The following NAALADL2 variants were observed in gnomAD, a reference collection of about 807,000 sequenced individuals.
NAALADL2 encodes the protein N-acetylated alpha-linked acidic dipeptidase like 2, also known as inactive N-acetylated-alpha-linked acidic dipeptidase-like protein 2.
NAALADL2 carries 76 observed loss-of-function variants against 87.2 expected under a neutral mutation model. The observed-to-expected ratio is 0.87, with a 90% CI of 0.72 to 1.05. NAALADL2 has a LOEUF of 1.05. Ranked by LOEUF, NAALADL2 falls within the 50% of genes least tolerant of loss-of-function variation. The pLI is 0.00. For missense variants in NAALADL2, 1,089 were observed against 945.8 expected, an observed-to-expected ratio of 1.15 and a Z score of -1.99; for synonymous variants, 354 against 331.0, an observed-to-expected ratio of 1.07 and a Z score of -0.75.
chr3:175,205,816 T>C (rs1740737485), intron 2 of NAALADL2, among the ~76,000 whole-genome samples: 1 of 149,412 alleles, frequency 6.7e-6, no homozygotes, highest in Admixed American at 6.7e-5. Context: ...CAAAAGAAGA[T>C]ATACAAATGG....
intron 1 of NAALADL2, among the ~76,000 whole-genome samples, chr3:174,534,692 G>T (rs922861977): frequency 6.6e-6 from 1 of 152,094 alleles, no homozygotes; most frequent in Non-Finnish European, 1.5e-5. Flanking sequence ...TCAATCCCTG[G>T]CAAAAGTAAT....
intron 1 of NAALADL2, among the ~76,000 whole-genome samples, chr3:174,882,112 T>A (rs533558319): frequency 2.0e-5 from 3 of 152,116 alleles, no homozygotes; most frequent in Non-Finnish European, 2.9e-5. Context: ...TTACAGAACA[T>A]GTGATATTCC....
Position 174,752,122 on chromosome 3 carries a change from C to T in NAALADL2, c.-9+14376C>T, listed in dbSNP as rs574757074. On this transcript the variant is annotated intron_variant, in intron 3 of 3. Coordinates refer to the NAALADL2 transcript ENST00000434257. ...CCTCTCGAGTAGCTGGGACTATAGG[C>T]GCCCGCCACCATGCCCGGCTATTTT... 9.2e-5 allele frequency among the ~76,000 whole-genome samples: 14 copies of T among 152,000 alleles called. No homozygotes were observed. The East Asian group carries it at 1.8e-3, about 19-fold the overall frequency.
At chr3:175,732,330 T>G (rs535267770) in intron 11 of NAALADL2, among the ~76,000 whole-genome samples, 6 of 152,308 alleles carry the variant, frequency 3.9e-5, no homozygotes, top group Non-Finnish European at 8.8e-5. Flanking sequence ...TGTACCCTTT[T>G]CTGTAAAGCA....
intron 11 of NAALADL2, chr3:175,718,090 T>C: frequency 1.4e-6 from 1 of 690,152 alleles, no homozygotes; most frequent in South Asian, 2.6e-5. Flanking sequence ...GAATGGGAGC[T>C]TCCTTTCCAG....
At chr3:175,336,528 G>A (rs1300965370) in intron 5 of NAALADL2, among the ~76,000 whole-genome samples, 1 of 152,154 alleles carries the variant, frequency 6.6e-6, no homozygotes, top group Non-Finnish European at 1.5e-5. Flanking sequence ...TGTGTAAAAA[G>A]TAATACAGAA....
At chr3:174,603,088 TTGGTC>T (rs1560084513) in intron 2 of NAALADL2, among the ~76,000 whole-genome samples, 1 of 152,098 alleles carries the variant, frequency 6.6e-6, no homozygotes, top group Non-Finnish European at 1.5e-5. Flanking sequence ...TTTATTTGTC[TTGGTC>T]TTGTTTTGAT....
chr3:175,419,915 G>A (rs940832800), intron 5 of NAALADL2, among the ~76,000 whole-genome samples: 2 of 151,822 alleles, frequency 1.3e-5, no homozygotes, highest in African/African-American at 2.4e-5. Flanking sequence ...ATAGTAGAAG[G>A]TCCCAGACCC....
rs146404277 is a variant in NAALADL2, at chr3:175,074,697, CTA to C, written c.44-22091_44-22090del. On this transcript the variant is annotated intron_variant, in intron 1 of 13. Coordinates refer to ENST00000454872, the MANE Select transcript of NAALADL2 (RefSeq NM_207015.3). ...CTTTTAAAATTACATACTGAAATAACTATGCATAAAATGATATGGCTGAGGGT... is the reference window on the plus strand; with the variant it reads ...CTTTTAAAATTACATACTGAAATAACTGCATAAAATGATATGGCTGAGGGT... Among the ~76,000 whole-genome samples, 629 of 152,020 alleles carry C rather than the reference CTA, an allele frequency of 4.1e-3. 5 individuals carry two copies. Among genetic ancestry groups the C allele is most frequent in the African/African-American group, 0.015 (611 of 41,458 alleles).
At chr3:175,164,367 A>G (rs2108864228) in intron 2 of NAALADL2, among the ~76,000 whole-genome samples, 1 of 152,078 alleles carries the variant, frequency 6.6e-6, no homozygotes, top group African/African-American at 2.4e-5. Context: ...TTCTTATCAC[A>G]TATTATTCTA....
chr3:174,807,392 G>A lies in NAALADL2; in HGVS notation c.-9+69646G>A, dbSNP rs147561558. On this transcript the variant is annotated intron_variant, in intron 3 of 3. Transcript: ENST00000434257. ...TCTTGCTCATACGATGCACTTAGCC[G>A]TGTCCAAGTGGAAGTATAAGAATGA... Among the ~76,000 whole-genome samples, 69 of 152,198 alleles carry A rather than the reference G, an allele frequency of 4.5e-4. 1 individual carries two copies. The highest frequency in any genetic ancestry group is 1.0e-3 in the South Asian group (5 of 4,824).
chr3:175,219,563 G>A lies in NAALADL2; in HGVS notation c.546-14368G>A, dbSNP rs184117897. 4.6e-3 allele frequency among the ~76,000 whole-genome samples: 700 copies of A among 151,966 alleles called. 1 individual carries two copies. The highest frequency in any genetic ancestry group is 0.016 in the African/African-American group (649 of 41,488). The stretch of plus-strand genomic sequence containing the variant: ...CCAGTTTGTCAGTTTTGTCTTCCTC[G>A]TTAGCGGTTTCTCTTTTGTCTAACC... On this transcript the variant is annotated intron_variant, in intron 2 of 13. Transcript: ENST00000454872.
chr3:175,402,815 G>A lies in NAALADL2; in HGVS notation c.1091-44414G>A, dbSNP rs557817887. Among the ~76,000 whole-genome samples, 132 of 152,116 alleles carry A rather than the reference G, an allele frequency of 8.7e-4. 1 individual carries two copies. Among genetic ancestry groups the A allele is most frequent in the Non-Finnish European group, 1.0e-3 (69 of 67,972 alleles). On this transcript the variant is annotated intron_variant, in intron 5 of 13. Coordinates refer to ENST00000454872, the MANE Select transcript of NAALADL2 (RefSeq NM_207015.3). ...CTCCCTCTCTGTGCCCACCACAACA[G>A]CCTATGCATTCCTTCTTTGACCAGA...
chr3:175,645,155 T>G (rs1406486692), intron 11 of NAALADL2, among the ~76,000 whole-genome samples: 4 of 151,930 alleles, frequency 2.6e-5, no homozygotes, highest in African/African-American at 9.7e-5. Context: ...CACAACAAAA[T>G]TTTTACTCAG....
At chr3:175,372,428 C>A (rs1766624242) in intron 5 of NAALADL2, among the ~76,000 whole-genome samples, 1 of 152,172 alleles carries the variant, frequency 6.6e-6, no homozygotes, top group Admixed American at 6.6e-5. Flanking sequence ...ATATTTTTCT[C>A]ACAAAATGAG....
chr3:174,973,097 T>C (rs1210490294), intron 1 of NAALADL2, among the ~76,000 whole-genome samples: 1 of 152,178 alleles, frequency 6.6e-6, no homozygotes. Context: ...ATGGCACTGT[T>C]TTGTAGTTTG....
intron 2 of NAALADL2, among the ~76,000 whole-genome samples, chr3:175,136,375 T>C (rs1729117512): frequency 6.6e-6 from 1 of 152,198 alleles, no homozygotes; most frequent in Non-Finnish European, 1.5e-5. Context: ...TGGACATCTC[T>C]CAATAAAATG....
intron 13 of NAALADL2, among the ~76,000 whole-genome samples, chr3:175,792,600 C>T (rs1372407438): frequency 3.3e-5 from 5 of 152,080 alleles, no homozygotes; most frequent in Non-Finnish European, 7.4e-5. Context: ...AAAACTATAT[C>T]TATAATTGTA....
chr3:175,193,778 A>G (rs1332708487), intron 2 of NAALADL2, among the ~76,000 whole-genome samples: 1 of 151,992 alleles, frequency 6.6e-6, no homozygotes, highest in Non-Finnish European at 1.5e-5. Context: ...TCAAACTAGA[A>G]CAGGTGTTTT....
Sources: gnomAD v4.1 joint callset for allele counts (sites outside exome capture counted in the v4.1 genomes callset) on GRCh38, gnomAD v4.1.1 for gene constraint, MANE v1.5 for transcripts, NCBI Gene and HGNC (gene_info 2026-07-23, HGNC 2026-07-21) for gene names.